Variants in PRDM8 observed in about 807,000 individuals in gnomAD.
The protein encoded by PRDM8 is PR/SET domain 8.
In PRDM8, 13 loss-of-function variants were observed where a neutral mutation model predicts 46.5. The ratio of observed to expected loss-of-function variants is 0.28; its 90% CI spans 0.18 to 0.44. The LOEUF (loss-of-function observed/expected upper bound fraction) is 0.44. Ranked by LOEUF, PRDM8 falls within the 20% of genes least tolerant of loss-of-function variation. PRDM8 has a pLI of 1.00. For synonymous variants in PRDM8, 473 were observed against 438.4 expected (o/e 1.08, Z -0.98); for missense variants, 998 against 955.0 (o/e 1.04, Z -0.59).
chr4:80,196,844 G>A (rs1383713558), upstream of PRDM8: 19 of 931,632 alleles, frequency 2.0e-5, no homozygotes, highest in Non-Finnish European at 2.4e-5. Context: ...CTGGGACTAG[G>A]AGGTACCGTT....
chr4:80,187,356 A>G (rs1430744313), intron 1 of PRDM8, among the ~76,000 whole-genome samples: 5 of 151,398 alleles, frequency 3.3e-5, no homozygotes, highest in East Asian at 1.9e-4. Context: ...TTTATTATCT[A>G]TGAAGAACAG....
intron 1 of PRDM8, among the ~76,000 whole-genome samples, chr4:80,189,473 C>T (rs1737380967): frequency 6.6e-6 from 1 of 152,178 alleles, no homozygotes; most frequent in Admixed American, 6.5e-5. Flanking sequence ...GAAGGGATGA[C>T]TGCCTTTCCT....
At position 80,203,673 on chromosome 4, in the gene PRDM8, C is replaced by A. The variant is rs957581936; in HGVS notation, c.*141C>A. 7.1e-5 allele frequency: 99 copies of A among 1,393,866 alleles called. No homozygotes were observed. The highest frequency in any genetic ancestry group is 8.8e-5 in the Non-Finnish European group (94 of 1,072,190). The allele number at this position is 1,393,866 out of a possible 1,614,324, so 86.3% of individuals were successfully genotyped here. On this transcript the variant is annotated 3_prime_UTR_variant, in exon 4 of 4. Coordinates refer to ENST00000415738, the MANE Select transcript of PRDM8 (RefSeq NM_001099403.2). ...CATACATTCACCGCCCCCCCGCCCC[C>A]CCAACGCGCACACACACGTCCTCTC... is the stretch of plus-strand genomic sequence containing the variant.
At chr4:80,199,701 A>G (rs1203203693) in intron 1 of PRDM8, among the ~76,000 whole-genome samples, 2 of 75,906 alleles carry the variant, frequency 2.6e-5, no homozygotes, top group East Asian at 1.1e-3. Flanking sequence ...ATATGTATAT[A>G]TATATATATG....
At chr4:80,193,955 G>A (rs954929335), upstream of PRDM8, among the ~76,000 whole-genome samples, 9 of 152,218 alleles carry the variant, frequency 5.9e-5, no homozygotes, top group South Asian at 2.1e-4. Flanking sequence ...TAATCTTTAC[G>A]TGAATTATTC....
In PRDM8 at chr4:80,200,220, G is replaced by T; in HGVS notation, c.140G>T (p.Ser47Ile). 2 of 1,614,110 alleles carry T rather than the reference G, an allele frequency of 1.2e-6. No homozygotes were observed. The highest frequency in any genetic ancestry group is 3.3e-4 in the Middle Eastern group (2 of 6,062). ...GCTATATTTGGTCCCTGTGTCCTGA[G>T]CCATACTTCCCTATATGACAGCATA... ...ENAIFGPCVL[S>I]HTSLYDSIAF... Residue 47 changes from serine (S) to isoleucine (I), a missense_variant, in exon 2 of 4, where the codon AGC (serine) becomes ATC (isoleucine). Transcript: ENST00000415738.
rs371675673 is a variant in PRDM8 at position 80,203,083 on chromosome 4, G to A, written c.1621G>A (p.Ala541Thr). 3.8e-6 allele frequency: 6 copies of A among 1,568,836 alleles called. No individual in the cohort carries two copies. In the East Asian group the frequency reaches 9.4e-5, roughly 25 times the overall value. ...GVGPTRLYPA[A>T]ADPLAVKLQG... ...GGGCCCCACCAGACTCTATCCCGCC[G>A]CCGCGGACCCTCTAGCGGTGAAGCT... Residue 541 changes from alanine to threonine, a missense_variant, in exon 4 of 4, where the codon GCC becomes ACC. Physicochemically the swap from Ala to Thr is moderately conservative, Grantham distance 58 (BLOSUM62 0). Transcript: ENST00000415738.
upstream of PRDM8, chr4:80,195,918 CACACACACACAGAG>C (rs1271818648): frequency 1.1e-5 from 2 of 183,878 alleles, no homozygotes; most frequent in East Asian, 5.9e-4. Context: ...CACACACACA[CACACACACACAGAG>C]AGAGAGAGAG....
At position 80,200,122 on chromosome 4, in the gene PRDM8, T is replaced by C. The variant is rs747884702; in HGVS notation, c.42T>C (p.Asp14=). 6.2e-7 allele frequency: 1 copy of C among 1,614,150 alleles called. No individual in the cohort carries two copies. The highest frequency in any genetic ancestry group is 8.5e-7 in the Non-Finnish European group (1 of 1,180,018). The change falls in exon 2 of 4, where the codon GAT becomes GAC. Residue 14 remains aspartate (D), a synonymous_variant. Coordinates refer to ENST00000415738, the MANE Select transcript of PRDM8 (RefSeq NM_001099403.2). Reference sequence around the variant, plus strand: ...TCCAGCGAGGCATCTGGGATGGAGATGCCAAGGCTGTCCAACAATGTCTGA... The same window carrying C: ...TCCAGCGAGGCATCTGGGATGGAGACGCCAAGGCTGTCCAACAATGTCTGA... ...TGIQRGIWDG[D]AKAVQQCLTD...
At chr4:80,196,670 T>C (rs554989171), upstream of PRDM8, 72 of 961,586 alleles carry the variant, frequency 7.5e-5, no homozygotes, top group African/African-American at 1.2e-3. Flanking sequence ...ACAGTACCCA[T>C]TATAGACTCC....
In PRDM8 at chr4:80,201,882, G is replaced by A. The variant is rs759381330; in HGVS notation, c.452-32G>A. Reference sequence around the variant, plus strand: ...TGCGTGTGTGTGTGTGTGTGCGTGCGTGCGTGTGTGTGGTGTTTGCTCACT... The same window carrying A: ...TGCGTGTGTGTGTGTGTGTGCGTGCATGCGTGTGTGTGGTGTTTGCTCACT... On this transcript the variant is annotated intron_variant, in intron 3 of 3. Coordinates refer to ENST00000415738, the MANE Select transcript of PRDM8 (RefSeq NM_001099403.2). 5.0e-6 allele frequency: 8 copies of A among 1,611,170 alleles called. No homozygotes were observed. The African/African-American group carries it at 8.1e-5, about 16-fold the overall frequency.
At position 80,203,267 on chromosome 4, in the gene PRDM8, A is replaced by C. The variant is rs950117586; in HGVS notation, c.1805A>C (p.Gln602Pro). The change falls in exon 4 of 4, where the codon CAG (glutamine) becomes CCG (proline). Residue 602 changes from glutamine (Q) to proline (P), a missense_variant. Transcript: ENST00000415738. ...AAAAAAAGPL[Q>P]LQLPSALTLL... Reference sequence around the variant, plus strand: ...GCGGCGGCGGCCGCGGGGCCCTTGCAGCTGCAGCTGCCCTCGGCGCTCACG... The same window carrying C: ...GCGGCGGCGGCCGCGGGGCCCTTGCCGCTGCAGCTGCCCTCGGCGCTCACG... 6.3e-7 allele frequency: 1 copy of C among 1,584,620 alleles called. No individual in the cohort carries two copies. Among genetic ancestry groups the C allele is most frequent in the Non-Finnish European group, 8.6e-7 (1 of 1,167,144 alleles).
In PRDM8 at chr4:80,203,745, C is replaced by G. The variant is rs1738774940; in HGVS notation, c.*213C>G. On this transcript the variant is annotated 3_prime_UTR_variant, in exon 4 of 4. Transcript: ENST00000415738. ...TATTTACCCGGGACACACACCCCCC[C>G]CCACACACACACACAGACACACTCA... 6.9e-6 allele frequency: 3 copies of G among 435,710 alleles called. No individual in the cohort carries two copies. Among genetic ancestry groups the G allele is most frequent in the East Asian group, 6.8e-5 (1 of 14,650 alleles). 27.0% of individuals were successfully genotyped at this position (435,710 alleles called of 1,614,324 possible).
Position 80,201,387 on chromosome 4 carries a change from A to C in PRDM8, c.317A>C (p.Tyr106Ser). The change falls in exon 3 of 4, where the codon TAC becomes TCC. Residue 106 changes from tyrosine to serine, a missense_variant. Transcript: ENST00000415738. ...AAGGAAGAGCAGAACCTTGAAGCCTACATAAAAAACGGACAGCTGTTCTAC... is the reference window on the plus strand; with the variant it reads ...AAGGAAGAGCAGAACCTTGAAGCCTCCATAAAAAACGGACAGCTGTTCTAC... ...RDKEEQNLEA[Y>S]IKNGQLFYRS... is the part of the protein sequence containing the mutation. 6.2e-7 allele frequency: 1 copy of C among 1,614,216 alleles called. No homozygotes were observed. The highest frequency in any genetic ancestry group is 8.5e-7 in the Non-Finnish European group (1 of 1,180,046).
rs1030327610 is a variant in PRDM8, at chr4:80,200,282, G to A, written c.202G>A (p.Val68Ile). ...TCTCAAGTCTACTGACAAGAGAACA[G>A]TACCGTATATCTTTCGGGTAAGTCT... ...IALKSTDKRT[V>I]PYIFRVDTSA... The change falls in exon 2 of 4, where the codon GTA (valine) becomes ATA (isoleucine). Residue 68 changes from valine to isoleucine, a missense_variant. Physicochemically the swap from Val to Ile is conservative, Grantham distance 29. Coordinates refer to ENST00000415738, the MANE Select transcript of PRDM8 (RefSeq NM_001099403.2). 5.0e-6 allele frequency: 8 copies of A among 1,613,156 alleles called. No homozygotes were observed. Among genetic ancestry groups the A allele is most frequent in the African/African-American group, 1.3e-5 (1 of 74,894 alleles).
In PRDM8 at chr4:80,203,537, G is replaced by A. The variant is rs1738751357; in HGVS notation, c.*5G>A. On this transcript the variant is annotated 3_prime_UTR_variant, in exon 4 of 4. Transcript: ENST00000415738. ...CACATGACCTCGCATAATTGACTCG[G>A]AAAGGACCCCAGCTTTCCACGCGCG... is the stretch of plus-strand genomic sequence containing the variant. 3 of 1,603,504 alleles carry A rather than the reference G, an allele frequency of 1.9e-6. No homozygotes were observed. Among genetic ancestry groups the A allele is most frequent in the African/African-American group, 2.7e-5 (2 of 74,620 alleles).
chr4:80,190,211 C>CG (rs1325252464), intron 1 of PRDM8: 1 of 152,156 alleles, frequency 6.6e-6, no homozygotes, highest in Non-Finnish European at 1.5e-5. Flanking sequence ...GTTAGGTTCC[C>CG]GCAGGCCCCG....
At position 80,202,611 on chromosome 4, in the gene PRDM8, C is replaced by T. The variant is rs996766418; in HGVS notation, c.1149C>T (p.Arg383=). 2 of 1,531,638 alleles carry T rather than the reference C, an allele frequency of 1.3e-6. No individual in the cohort carries two copies. The highest frequency in any genetic ancestry group is 1.4e-5 in the African/African-American group (1 of 72,338). 94.9% of individuals were successfully genotyped at this position (1,531,638 alleles called of 1,614,324 possible). The change falls in exon 4 of 4, where the codon CGC becomes CGT. Residue 383 remains arginine, a synonymous_variant. Coordinates refer to ENST00000415738, the MANE Select transcript of PRDM8 (RefSeq NM_001099403.2). The stretch of plus-strand genomic sequence containing the variant: ...GTCCCGAGACGGGCGAGGCGAAGCG[C>T]AGCGCCTTCGTGGAGGTGAAGAAGG... ...PPSPETGEAK[R]SAFVEVKKAA...
intron 1 of PRDM8, among the ~76,000 whole-genome samples, chr4:80,190,936 A>T (rs1737495323): frequency 6.6e-6 from 1 of 152,160 alleles, no homozygotes; most frequent in South Asian, 2.1e-4. Context: ...CAGTAAACTG[A>T]CTCTAGAATA....
Sources: gnomAD v4.1 joint callset for allele counts (sites outside exome capture counted in the v4.1 genomes callset) on GRCh38, gnomAD v4.1.1 for gene constraint, MANE v1.5 for transcripts, NCBI Gene and HGNC (gene_info 2026-07-23, HGNC 2026-07-21) for gene names.